ANKRD42: variants seen among roughly 807,000 people sequenced by gnomAD.
ANKRD42 encodes the protein ankyrin repeat domain 42.
ANKRD42 carries 43 observed loss-of-function variants against 51.5 expected under a neutral mutation model. That is an observed-to-expected ratio of 0.83 (90% CI 0.65 to 1.08). ANKRD42 has a LOEUF of 1.08. Among genes scored for constraint, ANKRD42 ranks in the 50% least tolerant of loss-of-function variants. The pLI, the probability that ANKRD42 is intolerant of heterozygous loss-of-function variation, is 0.00. For missense variants in ANKRD42, 608 were observed against 629.3 expected, an observed-to-expected ratio of 0.97 and a Z score of 0.36; for synonymous variants, 203 against 213.0, an observed-to-expected ratio of 0.95 and a Z score of 0.41.
At chr11:83,249,984 T>G (rs1371171522), downstream of ANKRD42, among the ~76,000 whole-genome samples, 1 of 152,202 alleles carries the variant, frequency 6.6e-6, no homozygotes, top group East Asian at 1.9e-4. Flanking sequence ...TTTACTCCCT[T>G]TCTTTTTTTC....
In ANKRD42 at chr11:83,224,849, C is replaced by T. The variant is rs745846802; in HGVS notation, c.587-6C>T. 1.3e-5 allele frequency: 21 copies of T among 1,572,916 alleles called. No individual in the cohort carries two copies. In the East Asian group the frequency reaches 3.6e-4, roughly 27 times the overall value. ...AATTAAATTAATTTTTTTTCCTTTC[C>T]TCTAGTTCACTTAGCAGCCATGGAA... is the stretch of plus-strand genomic sequence containing the variant. On this transcript the variant is annotated splice_region_variant and splice_polypyrimidine_tract_variant and intron_variant, in intron 5 of 10. Transcript: ENST00000533342.
intron 2 of ANKRD42, among the ~76,000 whole-genome samples, chr11:83,199,813 GCTT>G (rs1861799405): frequency 6.6e-6 from 1 of 152,058 alleles, no homozygotes; most frequent in Non-Finnish European, 1.5e-5. Flanking sequence ...GTACTTCTTT[GCTT>G]CTTGTAACCA....
rs113374073 is a variant in ANKRD42 at position 83,225,173 on chromosome 11, G to A, written c.787+118G>A. 9.6e-4 allele frequency: 747 copies of A among 781,378 alleles called. 8 individuals carry two copies. In the African/African-American group the frequency reaches 0.012, roughly 12 times the overall value. The allele number at this position is 781,378 out of a possible 1,614,324, so 48.4% of individuals were successfully genotyped here. A position where few individuals can be genotyped will look rare whatever the true frequency, so the allele number is the denominator to read the frequency against. On this transcript the variant is annotated intron_variant, in intron 6 of 10. Coordinates refer to ENST00000533342, the MANE Select transcript of ANKRD42 (RefSeq NM_001300975.2). ...AAGGCAAATGTTATATACGTTATAT[G>A]TAAAAATATAAACATGTTTAATATA...
intron 5 of ANKRD42, among the ~76,000 whole-genome samples, chr11:83,219,310 G>C (rs1402699399): frequency 6.6e-6 from 1 of 152,212 alleles, no homozygotes; most frequent in African/African-American, 2.4e-5. Flanking sequence ...GGGGCACAAG[G>C]ACTGTTGAAT....
intron 2 of ANKRD42, among the ~76,000 whole-genome samples, chr11:83,202,930 G>GT (rs1360750583): frequency 6.7e-6 from 1 of 149,634 alleles, no homozygotes; most frequent in African/African-American, 2.5e-5. Flanking sequence ...TTAAATTTAC[G>GT]TTTATATTTT....
At chr11:83,226,240 T>C (rs681299) in intron 6 of ANKRD42, among the ~76,000 whole-genome samples, 42,258 of 151,528 alleles carry the variant, frequency 0.28, 6,019 homozygotes, top group Middle Eastern at 0.41. Context: ...CACACACACA[T>C]ACACACACAC....
In ANKRD42 at chr11:83,195,068, G is replaced by C. The variant is rs569385387; in HGVS notation, c.58+340G>C. Among the ~76,000 whole-genome samples, 130 of 152,288 alleles carry C rather than the reference G, an allele frequency of 8.5e-4. 1 individual carries two copies. The South Asian group carries it at 0.017, about 20-fold the overall frequency. On this transcript the variant is annotated intron_variant, in intron 1 of 10. Transcript: ENST00000533342. ...GAGGTGACAAATTAGTACTTACTTA[G>C]TTTTCTTCTTTCACTCCATTGAGTG...
chr11:83,244,891 A>G (rs1302639916), intron 9 of ANKRD42, among the ~76,000 whole-genome samples: 2 of 151,988 alleles, frequency 1.3e-5, no homozygotes, highest in Non-Finnish European at 2.9e-5. Flanking sequence ...ATCCACCATT[A>G]GTCCTAAAAC....
chr11:83,261,496 A>AT (rs1485283274), downstream of ANKRD42: 1 of 153,602 alleles, frequency 6.5e-6, no homozygotes, highest in Non-Finnish European at 1.4e-5. Flanking sequence ...AAATGTAATT[A>AT]TGCAATGGTT....
chr11:83,223,474 G>A (rs1862778113), intron 5 of ANKRD42, among the ~76,000 whole-genome samples: 1 of 152,116 alleles, frequency 6.6e-6, no homozygotes, highest in African/African-American at 2.4e-5. Flanking sequence ...TGGATTAGAT[G>A]TGGGGAGTAA....
intron 9 of ANKRD42, among the ~76,000 whole-genome samples, chr11:83,243,966 CCTT>C (rs1176247506): frequency 3.3e-5 from 3 of 91,956 alleles, no homozygotes; most frequent in South Asian, 3.7e-4. Flanking sequence ...GCCTGGCTGC[CCTT>C]TTTTTTTTTT....
intron 4 of ANKRD42, among the ~76,000 whole-genome samples, chr11:83,210,691 G>A (rs148509012): frequency 2.6e-5 from 4 of 152,306 alleles, no homozygotes; most frequent in East Asian, 3.9e-4. Context: ...GTTAGATTAC[G>A]AAGCTTCAAA....
At chr11:83,242,869 C>T (rs896465029) in intron 9 of ANKRD42, among the ~76,000 whole-genome samples, 1 of 152,000 alleles carries the variant, frequency 6.6e-6, no homozygotes, top group Non-Finnish European at 1.5e-5. Flanking sequence ...GGCCGCACCA[C>T]GTTTTCTTTA....
At chr11:83,241,229 C>T (rs1216384462) in intron 9 of ANKRD42, among the ~76,000 whole-genome samples, 2 of 151,992 alleles carry the variant, frequency 1.3e-5, no homozygotes, top group Non-Finnish European at 2.9e-5. Context: ...CAAGGATTTC[C>T]ATGGTTAGTT....
chr11:83,254,304 C>A (rs1301042987), intron 11 of ANKRD42, among the ~76,000 whole-genome samples: 1 of 152,000 alleles, frequency 6.6e-6, no homozygotes, highest in Non-Finnish European at 1.5e-5. Flanking sequence ...TCTATTAAAG[C>A]ACTAGGAAAT....
At position 83,232,772 on chromosome 11, in the gene ANKRD42, G is replaced by A. The variant is rs188651657; in HGVS notation, c.914-3632G>A. Among the ~76,000 whole-genome samples the A allele has an allele frequency of 2.0e-5, 3 of 152,196 alleles. No individual in the cohort carries two copies. In the East Asian group the frequency reaches 5.8e-4, roughly 29 times the overall value. ...TTTGTCCCTTCTATACCCAGTTTTT[G>A]AGGGTTTTTATTAAGAAGAGATGTT... On this transcript the variant is annotated intron_variant, in intron 7 of 10. Coordinates refer to ENST00000533342, the MANE Select transcript of ANKRD42 (RefSeq NM_001300975.2).
At chr11:83,208,855 AG>A (rs1653934589) in intron 3 of ANKRD42, among the ~76,000 whole-genome samples, 1 of 152,180 alleles carries the variant, frequency 6.6e-6, no homozygotes, top group African/African-American at 2.4e-5. Flanking sequence ...GGTAAAGTAT[AG>A]AAGAGTCTCT....
chr11:83,227,150 A>T (rs1292596797), intron 6 of ANKRD42, among the ~76,000 whole-genome samples: 1 of 151,962 alleles, frequency 6.6e-6, no homozygotes, highest in East Asian at 1.9e-4. Flanking sequence ...GTCTTTATTT[A>T]TTTATTTTTT....
chr11:83,211,395 G>A lies in ANKRD42; in HGVS notation c.551G>A (p.Ser184Asn). The change falls in exon 5 of 11, where the codon AGC becomes AAC. Residue 184 changes from serine (S) to asparagine (N), a missense_variant. Ser to Asn is a conservative substitution (Grantham distance 46). Transcript: ENST00000533342. ...CLQLLVKWGC[S>N]IEDVDYNGNL... is the part of the protein sequence containing the mutation. Reference sequence around the variant, plus strand: ...CAACTTCTTGTTAAATGGGGTTGTAGCATAGAAGATGTGGACTACAATGGA... The same window carrying A: ...CAACTTCTTGTTAAATGGGGTTGTAACATAGAAGATGTGGACTACAATGGA... The A allele has an allele frequency of 6.2e-7, 1 of 1,614,188 alleles. No individual in the cohort carries two copies. Among genetic ancestry groups the A allele is most frequent in the Non-Finnish European group, 8.5e-7 (1 of 1,180,018 alleles).
Sources: allele counts gnomAD v4.1 joint callset (sites outside exome capture counted in the v4.1 genomes callset), GRCh38; gene constraint gnomAD v4.1.1; transcripts MANE v1.5; gene names NCBI Gene and HGNC (gene_info 2026-07-23, HGNC 2026-07-21).